NT5E: variants seen among roughly 807,000 people sequenced by gnomAD.
NT5E encodes 5'-nucleotidase.
Under a neutral mutation model 55.1 loss-of-function variants are expected in NT5E, and 53 were observed. The ratio of observed to expected loss-of-function variants is 0.96; its 90% CI spans 0.77 to 1.21. The LOEUF (loss-of-function observed/expected upper bound fraction) is 1.21, where lower values mean the gene tolerates loss of function less well. Ranked by LOEUF, NT5E falls within the 50% of genes most tolerant of loss-of-function variation. The pLI is 0.00. For missense variants in NT5E, 683 were observed against 724.3 expected (o/e 0.94, Z 0.65); for synonymous variants, 270 against 278.4 (o/e 0.97, Z 0.30).
intron 4 of NT5E, among the ~76,000 whole-genome samples, chr6:85,486,441 G>A (rs1050829967): frequency 5.9e-5 from 9 of 152,126 alleles, no homozygotes; most frequent in Admixed American, 3.3e-4. Context: ...CTAGAAGAGC[G>A]GCGGCAAGAT....
intron 1 of NT5E, among the ~76,000 whole-genome samples, chr6:85,452,725 C>T (rs1340244792): frequency 1.3e-5 from 2 of 152,198 alleles, no homozygotes; most frequent in Admixed American, 6.5e-5. Flanking sequence ...CTCTGCTGTA[C>T]TCCAGTATTG....
chr6:85,486,740 T>G (rs931646155), intron 4 of NT5E, among the ~76,000 whole-genome samples: 4 of 152,248 alleles, frequency 2.6e-5, no homozygotes, highest in Admixed American at 6.5e-5. Flanking sequence ...GCATTTCATC[T>G]TTTATTCCGT....
chr6:85,467,627 T>TG (rs1274358675), intron 2 of NT5E, among the ~76,000 whole-genome samples: 1 of 152,206 alleles, frequency 6.6e-6, no homozygotes, highest in East Asian at 1.9e-4. Context: ...CCTTCTCCTG[T>TG]GGAGCCATGA....
chr6:85,469,201 C>T (rs577162825), intron 2 of NT5E, among the ~76,000 whole-genome samples: 17 of 152,230 alleles, frequency 1.1e-4, no homozygotes, highest in South Asian at 1.0e-3. Context: ...ATAAGCCATG[C>T]TTTGTATATA....
chr6:85,462,544 A>G (rs1179437103), intron 1 of NT5E, among the ~76,000 whole-genome samples: 1 of 152,130 alleles, frequency 6.6e-6, no homozygotes, highest in African/African-American at 2.4e-5. Context: ...TATCAGCTGT[A>G]CCTTGCACAC....
At chr6:85,466,315 C>T (rs1383948276) in intron 1 of NT5E, among the ~76,000 whole-genome samples, 2 of 152,180 alleles carry the variant, frequency 1.3e-5, no homozygotes, top group African/African-American at 4.8e-5. Flanking sequence ...CATCCCTGCT[C>T]CTCCTGAAGC....
At chr6:85,488,734 C>CCA (rs1769719986) in intron 5 of NT5E, among the ~76,000 whole-genome samples, 1 of 152,000 alleles carries the variant, frequency 6.6e-6, no homozygotes, top group African/African-American at 2.4e-5. Context: ...GTGTCCACTA[C>CCA]CACACCCAGC....
At position 85,467,048 on chromosome 6, in the gene NT5E, T is replaced by C. The variant is rs765492025; in HGVS notation, c.340-12T>C. The C allele has an allele frequency of 5.6e-6, 9 of 1,611,630 alleles. No individual in the cohort carries two copies. In the South Asian group the frequency reaches 9.9e-5, roughly 18 times the overall value. The stretch of plus-strand genomic sequence containing the variant: ...AGCACCTAATTCTTTTTCTCTTTTC[T>C]GTTTTATCTAGGCACTGGGAAATCA... On this transcript the variant is annotated splice_polypyrimidine_tract_variant and intron_variant, in intron 1 of 8. Transcript: ENST00000257770.
Position 85,450,235 on chromosome 6 carries a change from G to A in NT5E, c.96G>A (p.Leu32=). The A allele has an allele frequency of 6.2e-7, 1 of 1,605,510 alleles. No homozygotes were observed. The highest frequency in any genetic ancestry group is 1.7e-4 in the Middle Eastern group (1 of 6,032). The change falls in exon 1 of 9, where the codon TTG becomes TTA. Residue 32 remains leucine (L), a synonymous_variant. Coordinates refer to ENST00000257770, the MANE Select transcript of NT5E (RefSeq NM_002526.4). The surrounding 1 kb of genome is among the most constrained non-coding windows in gnomAD (Gnocchi z 4.0). ...CTGGCGCCTGGGAGCTTACGATTTT[G>A]CACACCAACGACGTGCACAGCCGGC... ...PAAGAWELTI[L]HTNDVHSRLE... is the part of the protein sequence containing the mutation.
At position 85,478,398 on chromosome 6, in the gene NT5E, C is replaced by T. The variant is rs977769236; in HGVS notation, c.752-6837C>T. Among the ~76,000 whole-genome samples, 10 of 152,194 alleles carry T rather than the reference C, an allele frequency of 6.6e-5. No individual in the cohort carries two copies. The South Asian group carries it at 8.3e-4, about 13-fold the overall frequency. On this transcript the variant is annotated intron_variant, in intron 3 of 8. Coordinates refer to ENST00000257770, the MANE Select transcript of NT5E (RefSeq NM_002526.4). The stretch of plus-strand genomic sequence containing the variant: ...GAAGTCTTAAGCCCACTCATAGGTA[C>T]GAATCTCTTACCAGGACTGAAGTTT...
chr6:85,463,097 G>A (rs1354677219), intron 1 of NT5E, among the ~76,000 whole-genome samples: 1 of 152,030 alleles, frequency 6.6e-6, no homozygotes, highest in African/African-American at 2.4e-5. Flanking sequence ...TAGTGTTTTA[G>A]GTTTTCTCCT....
intron 1 of NT5E, among the ~76,000 whole-genome samples, chr6:85,465,573 G>A (rs1769177494): frequency 6.6e-6 from 1 of 152,168 alleles, no homozygotes. Context: ...AGAGATGGGG[G>A]AAAAGGCAAA....
intron 1 of NT5E, among the ~76,000 whole-genome samples, chr6:85,464,568 C>A (rs138244619): frequency 2.0e-5 from 3 of 152,224 alleles, no homozygotes; most frequent in African/African-American, 4.8e-5. Flanking sequence ...TCCCTAAGAG[C>A]CCCCTGGACC....
intron 3 of NT5E, among the ~76,000 whole-genome samples, chr6:85,475,860 T>C (rs1769424056): frequency 6.6e-6 from 1 of 152,170 alleles, no homozygotes; most frequent in Non-Finnish European, 1.5e-5. Flanking sequence ...CATTCTAACA[T>C]CCTGTTACCT....
At chr6:85,472,269 C>T (rs1338018100) in intron 3 of NT5E, among the ~76,000 whole-genome samples, 2 of 152,158 alleles carry the variant, frequency 1.3e-5, no homozygotes, top group African/African-American at 4.8e-5. Flanking sequence ...CTTCTACCAT[C>T]CTTATGTGGG....
At chr6:85,483,352 C>A (rs1389688976) in intron 3 of NT5E, among the ~76,000 whole-genome samples, 2 of 152,202 alleles carry the variant, frequency 1.3e-5, no homozygotes, top group South Asian at 2.1e-4. Context: ...ACTACCTGGT[C>A]CCCTGAAATA....
chr6:85,477,810 G>A (rs1028041228), intron 3 of NT5E, among the ~76,000 whole-genome samples: 2 of 152,190 alleles, frequency 1.3e-5, no homozygotes, highest in Admixed American at 1.3e-4. Flanking sequence ...TAAGTGATGT[G>A]GGAGAATCAG....
At chr6:85,452,774 C>A (rs143631517) in intron 1 of NT5E, among the ~76,000 whole-genome samples, 2 of 152,232 alleles carry the variant, frequency 1.3e-5, no homozygotes, top group Non-Finnish European at 2.9e-5. Flanking sequence ...ATTATACTAA[C>A]CCTCAGAGAA....
At chr6:85,480,602 G>A (rs1207590041) in intron 3 of NT5E, among the ~76,000 whole-genome samples, 1 of 152,170 alleles carries the variant, frequency 6.6e-6, no homozygotes, top group Non-Finnish European at 1.5e-5. Context: ...GGGTGCAGGG[G>A]ACTTCTAGGC....
Sources: allele counts gnomAD v4.1 joint callset (sites outside exome capture counted in the v4.1 genomes callset), GRCh38; gene constraint gnomAD v4.1.1; non-coding constraint Gnocchi (gnomAD v3.1); transcripts MANE v1.5; gene names NCBI Gene and HGNC (gene_info 2026-07-23, HGNC 2026-07-21).